Variants in PLEKHG1 observed in about 807,000 individuals in gnomAD.
PLEKHG1 encodes pleckstrin homology and RhoGEF domain containing G1.
A neutral mutation model predicts 100.8 loss-of-function variants in PLEKHG1; 44 were observed. The ratio of observed to expected loss-of-function variants is 0.44; its 90% CI spans 0.34 to 0.56. The LOEUF (loss-of-function observed/expected upper bound fraction) is 0.56, where lower values mean the gene tolerates loss of function less well. PLEKHG1 is among the 20% of genes least tolerant of loss of function. The probability of loss-of-function intolerance (pLI) is 0.01; values close to 1 mark genes in which losing one functional copy is unlikely to be tolerated. For synonymous variants in PLEKHG1, 640 were observed against 662.5 expected (o/e 0.97, Z 0.52); for missense variants, 1,545 against 1,720.9 (o/e 0.90, Z 1.81).
intron 6 of PLEKHG1, among the ~76,000 whole-genome samples, chr6:150,802,893 C>T (rs968421072): frequency 6.6e-6 from 1 of 152,070 alleles, no homozygotes; most frequent in Non-Finnish European, 1.5e-5. Flanking sequence ...ATCTCTTGAC[C>T]CCATGATCCA....
chr6:150,790,876 T>C (rs907914762), intron 4 of PLEKHG1, among the ~76,000 whole-genome samples: 4 of 151,398 alleles, frequency 2.6e-5, no homozygotes, highest in Admixed American at 1.3e-4. Flanking sequence ...ACAAAAAAAT[T>C]GCCAGGCATG....
At chr6:150,661,722 G>A (rs1348001159) in intron 3 of PLEKHG1, among the ~76,000 whole-genome samples, 1 of 152,164 alleles carries the variant, frequency 6.6e-6, no homozygotes, top group African/African-American at 2.4e-5. Context: ...AGAGTTTAGA[G>A]ATACGCCTAT....
intron 1 of PLEKHG1, among the ~76,000 whole-genome samples, chr6:150,731,743 T>G (rs1173069308): frequency 6.6e-6 from 1 of 152,180 alleles, no homozygotes; most frequent in African/African-American, 2.4e-5. Flanking sequence ...ATTAATCACC[T>G]TCTCTATCAC....
intron 3 of PLEKHG1, among the ~76,000 whole-genome samples, chr6:150,707,527 A>G (rs1366262155): frequency 2.0e-5 from 3 of 152,128 alleles, no homozygotes; most frequent in Admixed American, 2.0e-4. Context: ...ACTGTGGCAC[A>G]CTGGGAAGTG....
At chr6:150,650,524 A>C (rs968584738) in intron 2 of PLEKHG1, among the ~76,000 whole-genome samples, 3 of 152,172 alleles carry the variant, frequency 2.0e-5, no homozygotes, top group Non-Finnish European at 2.9e-5. Context: ...TTTTTAATTA[A>C]ATGTTTATGA....
chr6:150,831,307 T>G lies in PLEKHG1; in HGVS notation c.2196T>G (p.His732Gln). ...GAGAGGCATCCAGCCAAAGCACGCA[T>G]GAACTCCAAGCGGTTGAGGAGAACA... Residue 732 changes from histidine to glutamine, a missense_variant, in exon 15 of 16, where the codon CAT becomes CAG. Transcript: ENST00000358517. The surrounding 1 kb of genome is among the most constrained non-coding windows in gnomAD (Gnocchi z 4.1). The G allele has an allele frequency of 6.2e-7, 1 of 1,614,110 alleles. No homozygotes were observed. Among genetic ancestry groups the G allele is most frequent in the Non-Finnish European group, 8.5e-7 (1 of 1,180,024 alleles).
intron 2 of PLEKHG1, among the ~76,000 whole-genome samples, chr6:150,642,611 C>A (rs539659489): frequency 7.2e-5 from 11 of 152,304 alleles, no homozygotes; most frequent in Middle Eastern, 3.4e-3. Context: ...TAATGCTGTG[C>A]CAGCCATCCC....
chr6:150,641,986 G>A (rs1486160449), intron 2 of PLEKHG1, among the ~76,000 whole-genome samples: 5 of 143,306 alleles, frequency 3.5e-5, no homozygotes, highest in Non-Finnish European at 6.0e-5. Flanking sequence ...CACATTTCCC[G>A]AATAAAGTAT....
chr6:150,808,620 A>G (rs1787286818), intron 7 of PLEKHG1, among the ~76,000 whole-genome samples: 1 of 152,108 alleles, frequency 6.6e-6, no homozygotes, highest in Admixed American at 6.5e-5. Context: ...AGGCATGGTG[A>G]TGGGCACCTG....
At chr6:150,712,128 C>G (rs1471558468) in intron 3 of PLEKHG1, among the ~76,000 whole-genome samples, 1 of 152,150 alleles carries the variant, frequency 6.6e-6, no homozygotes, top group African/African-American at 2.4e-5. Context: ...GCTTTTGGGA[C>G]AATCTATAGG....
Position 150,830,818 on chromosome 6 carries a change from A to G in PLEKHG1, c.1707A>G (p.Ser569=), listed in dbSNP as rs145019861. Reference sequence around the variant, plus strand: ...TGTTCGTGCCGTCATTTTCCTCCTCAGATCTGAACTCTACCAGACTATGTG... The same window carrying G: ...TGTTCGTGCCGTCATTTTCCTCCTCGGATCTGAACTCTACCAGACTATGTG... The change falls in exon 15 of 16, where the codon TCA becomes TCG. Residue 569 remains serine, a synonymous_variant. Transcript: ENST00000358517. The G allele has an allele frequency of 2.0e-3, 3,190 of 1,614,170 alleles. 6 individuals carry two copies. The highest frequency in any genetic ancestry group is 2.4e-3 in the Non-Finnish European group (2,844 of 1,180,024).
intron 14 of PLEKHG1, chr6:150,828,453 A>C: frequency 1.4e-5 from 19 of 1,342,544 alleles, no homozygotes; most frequent in Non-Finnish European, 1.9e-5. Flanking sequence ...AAAAGGAAAA[A>C]GCAAGAATGA....
At chr6:150,744,306 C>T (rs562521846) in intron 2 of PLEKHG1, among the ~76,000 whole-genome samples, 3 of 152,124 alleles carry the variant, frequency 2.0e-5, no homozygotes, top group Non-Finnish European at 4.4e-5. Flanking sequence ...AATCTCCTAA[C>T]CTCGTGATCT....
intron 1 of PLEKHG1, among the ~76,000 whole-genome samples, chr6:150,636,215 C>T (rs1369118783): frequency 1.3e-5 from 2 of 151,988 alleles, no homozygotes; most frequent in Non-Finnish European, 2.9e-5. Flanking sequence ...GAAAAGACCT[C>T]TATTTTGAAT....
At chr6:150,819,416 T>C (rs1380488280) in intron 11 of PLEKHG1, among the ~76,000 whole-genome samples, 1 of 151,526 alleles carries the variant, frequency 6.6e-6, no homozygotes, top group East Asian at 2.0e-4. Flanking sequence ...AATACAAAAA[T>C]TAGTCAGGCA....
rs576355130 is a variant in PLEKHG1 at position 150,817,176 on chromosome 6, C to T, written c.1279-1007C>T. On this transcript the variant is annotated intron_variant, in intron 10 of 15. Coordinates refer to ENST00000358517, the Ensembl canonical transcript of PLEKHG1. ...TCACCAGTTGAGCTGATCATTGAAT[C>T]CTAATGACCATTCTGAAAGAGAGGC... Among the ~76,000 whole-genome samples the T allele has an allele frequency of 1.1e-4, 17 of 152,300 alleles. No individual in the cohort carries two copies. The South Asian group carries it at 2.7e-3, about 24-fold the overall frequency.
At chr6:150,804,862 C>T in intron 7 of PLEKHG1, 121 bp downstream of exon 8, 2 of 898,242 alleles carry the variant, frequency 2.2e-6, no homozygotes, top group Non-Finnish European at 3.3e-6. Flanking sequence ...GTGTAGTTCT[C>T]CCTGAAAAAA....
chr6:150,734,473 C>G (rs950784408), intron 2 of PLEKHG1, among the ~76,000 whole-genome samples: 3 of 152,154 alleles, frequency 2.0e-5, no homozygotes, highest in African/African-American at 7.2e-5. Context: ...CTGTCCTTAC[C>G]TTAATCACCA....
intron 4 of PLEKHG1, among the ~76,000 whole-genome samples, chr6:150,787,971 G>A (rs73612878): frequency 0.018 from 2,705 of 152,284 alleles, 87 homozygotes; most frequent in African/African-American, 0.062. Flanking sequence ...GATATGCTGG[G>A]TATATCAAAG....
Sources: gnomAD v4.1 joint callset for allele counts (sites outside exome capture counted in the v4.1 genomes callset) on GRCh38, gnomAD v4.1.1 for gene constraint, Gnocchi (gnomAD v3.1) non-coding constraint, MANE v1.5 for transcripts, NCBI Gene and HGNC (gene_info 2026-07-23, HGNC 2026-07-21) for gene names.